CEP72: variants seen among roughly 807,000 people sequenced by gnomAD.
CEP72 encodes the protein centrosomal protein 72.
In CEP72, 78 loss-of-function variants were observed where a neutral mutation model predicts 65.7. The observed-to-expected ratio is 1.19, with a 90% CI of 0.99 to 1.43. The LOEUF (loss-of-function observed/expected upper bound fraction) is 1.43, where lower values mean the gene tolerates loss of function less well. CEP72 is among the 40% of genes most tolerant of loss of function. The probability of loss-of-function intolerance (pLI) is 0.00; values close to 1 mark genes in which losing one functional copy is unlikely to be tolerated. For synonymous variants in CEP72, 358 were observed against 351.7 expected (o/e 1.02, Z -0.20); for missense variants, 914 against 832.9 (o/e 1.10, Z -1.20).
rs184795986 is a variant in CEP72, at chr5:639,344, G to A, written c.1342+120G>A. The A allele has an allele frequency of 1.9e-5, 23 of 1,183,834 alleles. No homozygotes were observed. The East Asian group carries it at 2.1e-4, about 11-fold the overall frequency. 73.3% of individuals were successfully genotyped at this position (1,183,834 alleles called of 1,614,324 possible). A position where few individuals can be genotyped will look rare whatever the true frequency, so the allele number is the denominator to read the frequency against. On this transcript the variant is annotated intron_variant, in intron 8 of 11. Coordinates refer to ENST00000264935, the MANE Select transcript of CEP72 (RefSeq NM_018140.4). ...CCAGGTCTCCTATGTCCCCTCCCACGAGCGTGTGGTGGTCCCGCGCCTGGG... is the reference window on the plus strand; with the variant it reads ...CCAGGTCTCCTATGTCCCCTCCCACAAGCGTGTGGTGGTCCCGCGCCTGGG...
intron 1 of CEP72, among the ~76,000 whole-genome samples, chr5:617,309 G>A (rs1199480910): frequency 6.6e-6 from 1 of 152,182 alleles, no homozygotes; most frequent in African/African-American, 2.4e-5. Context: ...ATATGCGGGA[G>A]GAGCAGGTTG....
At chr5:661,072 A>G (rs913059113), downstream of CEP72, 2 of 152,396 alleles carry the variant, frequency 1.3e-5, no homozygotes, top group African/African-American at 4.8e-5. Flanking sequence ...TGCTTATCCT[A>G]TAGCAGTAAA....
At chr5:634,296 T>C (rs945004020) in intron 5 of CEP72, among the ~76,000 whole-genome samples, 1 of 152,114 alleles carries the variant, frequency 6.6e-6, no homozygotes, top group African/African-American at 2.4e-5. Context: ...TCACCGAACT[T>C]GCAGGAAACC....
chr5:620,018 T>A, intron 2 of CEP72, 51 bp from the exon 3 acceptor site: 1 of 1,479,500 alleles, frequency 6.8e-7, no homozygotes, highest in Admixed American at 1.7e-5. Context: ...TATTTCACTG[T>A]GTATTTCTTG....
At chr5:668,518 C>G (rs575361324), downstream of CEP72, among the ~76,000 whole-genome samples, 6 of 151,898 alleles carry the variant, frequency 4.0e-5, no homozygotes, top group Non-Finnish European at 8.8e-5. Flanking sequence ...CAGCGAGGCC[C>G]CTGCACACTC....
downstream of CEP72, among the ~76,000 whole-genome samples, chr5:671,391 T>G (rs1438053560): frequency 1.3e-5 from 2 of 151,952 alleles, no homozygotes; most frequent in Non-Finnish European, 2.9e-5. Context: ...CCCCAGGGGC[T>G]CGGCTGCCTC....
chr5:653,021 G>C lies in CEP72; in HGVS notation c.1812G>C (p.Gln604His), dbSNP rs1029141448. Reference sequence around the variant, plus strand: ...TCAGCACCAATGAACACCTGCTGCAGGAGCTGAGCCAGGTGCGGGCGCAGC... The same window carrying C: ...TCAGCACCAATGAACACCTGCTGCACGAGCTGAGCCAGGTGCGGGCGCAGC... Reference protein sequence around the residue: ...SLVSTNEHLLQELSQVRAQHR... With the variant: ...SLVSTNEHLLHELSQVRAQHR... Residue 604 changes from glutamine to histidine, a missense_variant, in exon 12 of 12, where the codon CAG becomes CAC. Transcript: ENST00000264935. 3 of 1,613,178 alleles carry C rather than the reference G, an allele frequency of 1.9e-6. No individual in the cohort carries two copies. Among genetic ancestry groups the C allele is most frequent in the Non-Finnish European group, 2.5e-6 (3 of 1,179,784 alleles).
intron 2 of CEP72, 125 bp downstream of exon 2, chr5:619,242 G>C: frequency 1.2e-6 from 1 of 836,422 alleles, no homozygotes; most frequent in Non-Finnish European, 1.9e-6. Flanking sequence ...ACTTTGTGTT[G>C]CGTATTTTTG....
At chr5:667,337 A>C (rs1197929815), downstream of CEP72, among the ~76,000 whole-genome samples, 1 of 152,220 alleles carries the variant, frequency 6.6e-6, no homozygotes, top group African/African-American at 2.4e-5. Flanking sequence ...TGTTTCTTCC[A>C]CAAGTGGAGC....
intron 3 of CEP72, among the ~76,000 whole-genome samples, chr5:621,489 G>A (rs2126740390): frequency 6.6e-6 from 1 of 152,342 alleles, no homozygotes; most frequent in Admixed American, 6.5e-5. Flanking sequence ...GCCCGTTGTG[G>A]GCGTCGGGAC....
the CEP72 span, chr5:676,100 G>A: frequency 6.6e-6 from 1 of 152,210 alleles, no homozygotes; most frequent in East Asian, 1.9e-4. Context: ...AGAGCTGGGG[G>A]AGCCTGCAAG....
chr5:656,647 A>T (rs757331210), downstream of CEP72, among the ~76,000 whole-genome samples: 2 of 152,204 alleles, frequency 1.3e-5, no homozygotes, highest in Non-Finnish European at 2.9e-5. Context: ...AGTAATTTTA[A>T]TCATTTGCCT....
downstream of CEP72, among the ~76,000 whole-genome samples, chr5:656,252 C>T (rs1401504567): frequency 6.6e-6 from 1 of 152,164 alleles, no homozygotes; most frequent in African/African-American, 2.4e-5. Context: ...GGGCGCGTAC[C>T]TCCATCTTAT....
At chr5:666,129 G>GGGGCACAGGCGACTCA in intron 4 of CEP72, 1 of 1,606,620 alleles carries the variant, frequency 6.2e-7, no homozygotes, top group Admixed American at 1.7e-5. Flanking sequence ...TCCCTCTACA[G>GGGGCACAGGCGACTCA]GGGCACAGGC....
chr5:653,990 T>C (rs889743903), downstream of CEP72, among the ~76,000 whole-genome samples: 1 of 144,714 alleles, frequency 6.9e-6, no homozygotes, highest in South Asian at 2.2e-4. Context: ...TGTGTGTGTG[T>C]GCCCTTGCTG....
At chr5:648,590 TGACTGTGAGGCGTGGACTGTGAGGCGTG>T (rs1436299177) in intron 11 of CEP72, among the ~76,000 whole-genome samples, 4 of 131,304 alleles carry the variant, frequency 3.0e-5, no homozygotes, top group African/African-American at 9.0e-5. Flanking sequence ...CTGTGAGGTG[TGACTGTGAGGCGTGGACTGTGAGGCGTG>T]GACTGTGAGG....
At chr5:644,164 A>G (rs1348521833) in intron 9 of CEP72, 135 bp from the exon 10 acceptor site, 3 of 966,782 alleles carry the variant, frequency 3.1e-6, no homozygotes, top group African/African-American at 1.6e-5. Flanking sequence ...GTGAAACTGA[A>G]TTACTGCCTT....
At chr5:669,290 C>G (rs1027795013), downstream of CEP72, among the ~76,000 whole-genome samples, 1 of 152,120 alleles carries the variant, frequency 6.6e-6, no homozygotes. Context: ...CCCGGTGAGC[C>G]GGAGGTGCCC....
At position 635,593 on chromosome 5, in the gene CEP72, G is replaced by C. The variant is rs1345325013; in HGVS notation, c.904+9G>C. ...CTTCACCCCACACCCAGGTACTTAC[G>C]CGTGTCTTAGTCTGTTTTCTGTTGC... is the stretch of plus-strand genomic sequence containing the variant. On this transcript the variant is annotated intron_variant, in intron 6 of 11. Coordinates refer to ENST00000264935, the MANE Select transcript of CEP72 (RefSeq NM_018140.4). The C allele has an allele frequency of 7.5e-6, 12 of 1,597,488 alleles. No individual in the cohort carries two copies. The highest frequency in any genetic ancestry group is 1.7e-5 in the Admixed American group (1 of 59,938).
Sources: allele counts gnomAD v4.1 joint callset (sites outside exome capture counted in the v4.1 genomes callset), GRCh38; gene constraint gnomAD v4.1.1; transcripts MANE v1.5; gene names NCBI Gene and HGNC (gene_info 2026-07-23, HGNC 2026-07-21).